GLB1L2: variants seen among roughly 807,000 people sequenced by gnomAD.
GLB1L2 encodes beta-galactosidase-1-like protein 2.
GLB1L2 carries 68 observed loss-of-function variants against 84.1 expected under a neutral mutation model. The observed-to-expected ratio is 0.81, with a 90% confidence interval of 0.67 to 0.99. The LOEUF (loss-of-function observed/expected upper bound fraction) is 0.99. Ranked by LOEUF, GLB1L2 falls within the 50% of genes least tolerant of loss-of-function variation. The pLI, the probability that GLB1L2 is intolerant of heterozygous loss-of-function variation, is 0.00. For missense variants in GLB1L2, 762 were observed against 805.6 expected, an observed-to-expected ratio of 0.95 and a Z score of 0.66; for synonymous variants, 290 against 318.0, an observed-to-expected ratio of 0.91 and a Z score of 0.94.
intron 1 of GLB1L2, among the ~76,000 whole-genome samples, chr11:134,335,469 TG>T (rs1943371115): frequency 6.6e-6 from 1 of 152,136 alleles, no homozygotes; most frequent in South Asian, 2.1e-4. Flanking sequence ...TTTCAGCAGG[TG>T]ATCACCTGTT....
intron 5 of GLB1L2, among the ~76,000 whole-genome samples, chr11:134,347,755 G>C (rs1373619926): frequency 6.6e-6 from 1 of 152,198 alleles, no homozygotes; most frequent in Non-Finnish European, 1.5e-5. Context: ...TGGTTCCACA[G>C]AGACAGGGAT....
chr11:134,375,078 C>T lies in GLB1L2; in HGVS notation c.*20C>T. On this transcript the variant is annotated 3_prime_UTR_variant, in exon 19 of 19. Transcript: ENST00000535456. ...AAGTGAGCGGTGGCACCCCCTCCTG[C>T]TGGTGCCAGTGGGAGACTGCCGCCT... 1 of 1,601,816 alleles carries T rather than the reference C, an allele frequency of 6.2e-7. No individual in the cohort carries two copies. Among genetic ancestry groups the T allele is most frequent in the Non-Finnish European group, 8.5e-7 (1 of 1,170,714 alleles).
At chr11:134,373,473 A>G (rs1482397775) in intron 15 of GLB1L2, among the ~76,000 whole-genome samples, 1 of 152,154 alleles carries the variant, frequency 6.6e-6, no homozygotes, top group Non-Finnish European at 1.5e-5. Context: ...TCAGCTCTAT[A>G]TCCTTCCCAT....
intron 1 of GLB1L2, among the ~76,000 whole-genome samples, chr11:134,342,260 A>G (rs534266772): frequency 1.3e-5 from 2 of 152,198 alleles, no homozygotes; most frequent in Non-Finnish European, 2.9e-5. Context: ...TCTTCAGAAA[A>G]TAATGAAGAC....
chr11:134,351,345 CTTTTT>C (rs367790049), intron 5 of GLB1L2, among the ~76,000 whole-genome samples: 1 of 129,132 alleles, frequency 7.7e-6, no homozygotes, highest in African/African-American at 2.9e-5. Flanking sequence ...CTTTTTCTTT[CTTTTT>C]TTTTTTTTTT....
intron 5 of GLB1L2, among the ~76,000 whole-genome samples, chr11:134,352,058 GA>G (rs1357821234): frequency 6.6e-6 from 1 of 152,156 alleles, no homozygotes; most frequent in Non-Finnish European, 1.5e-5. Context: ...ATTTACCAGT[GA>G]AGCCATCTGG....
intron 9 of GLB1L2, among the ~76,000 whole-genome samples, chr11:134,368,330 T>A (rs182191492): frequency 1.4e-3 from 220 of 152,286 alleles, no homozygotes; most frequent in Middle Eastern, 3.4e-3. Flanking sequence ...TCAGGCAGAC[T>A]CACATGGAGA....
At position 134,371,130 on chromosome 11, in the gene GLB1L2, C is replaced by T. The variant is rs138000454; in HGVS notation, c.1338C>T (p.His446=). 1.1e-4 allele frequency: 182 copies of T among 1,614,208 alleles called. No homozygotes were observed. The East Asian group carries it at 2.9e-3, about 26-fold the overall frequency. Residue 446 remains histidine (H), a synonymous_variant, in exon 13 of 19, where the codon CAC becomes CAT. Transcript: ENST00000535456. ...CCTCGTCTGGCATCCTCAGTGGCCA[C>T]GTGCATGATCGGGGGCAGGTAGGAG... ...SITSSGILSG[H]VHDRGQVFVN...
At position 134,373,667 on chromosome 11, in the gene GLB1L2, G is replaced by A. The variant is rs147547723; in HGVS notation, c.1508-54G>A. The A allele has an allele frequency of 1.2e-4, 146 of 1,229,042 alleles. No individual in the cohort carries two copies. In the African/African-American group the frequency reaches 2.0e-3, roughly 17 times the overall value. The allele number at this position is 1,229,042 out of a possible 1,614,324, so 76.1% of individuals were successfully genotyped here. A position where few individuals can be genotyped will look rare whatever the true frequency, so the allele number is the denominator to read the frequency against. On this transcript the variant is annotated intron_variant, in intron 15 of 18. Coordinates refer to ENST00000535456, the MANE Select transcript of GLB1L2 (RefSeq NM_001370461.1). ...GGCTTCCCCTCGTGGCCCCGGCCCA[G>A]CTGACTCGGCCCCTGCCTTTGGGCT...
In GLB1L2 at chr11:134,334,760, A is replaced by G. The variant is rs1382835504; in HGVS notation, c.86+2613A>G. On this transcript the variant is annotated intron_variant, in intron 1 of 18. Coordinates refer to ENST00000535456, the MANE Select transcript of GLB1L2 (RefSeq NM_001370461.1). This position sits in a 1 kb window ranked among gnomAD's most constrained non-coding sequence, Gnocchi z 4.1. ...TTTTATAGAATTGTAATCTTAAAGCATGTTTTCCTTTTTGGTCTGGCTTCT... is the reference window on the plus strand; with the variant it reads ...TTTTATAGAATTGTAATCTTAAAGCGTGTTTTCCTTTTTGGTCTGGCTTCT... 2.6e-5 allele frequency among the ~76,000 whole-genome samples: 4 copies of G among 152,122 alleles called. No homozygotes were observed. Among genetic ancestry groups the G allele is most frequent in the South Asian group, 2.1e-4 (1 of 4,822 alleles).
intron 7 of GLB1L2, chr11:134,360,315 T>C (rs1171956465): frequency 1.3e-5 from 2 of 152,156 alleles, no homozygotes; most frequent in African/African-American, 4.8e-5. Context: ...ACCCAGGGAG[T>C]GAAGGTCCAT....
intron 5 of GLB1L2, among the ~76,000 whole-genome samples, chr11:134,353,537 A>G (rs918052899): frequency 6.6e-6 from 1 of 152,164 alleles, no homozygotes; most frequent in Non-Finnish European, 1.5e-5. Flanking sequence ...TGTTGTGTAT[A>G]TATATGTTTG....
chr11:134,350,815 T>C (rs1313896699), intron 5 of GLB1L2, among the ~76,000 whole-genome samples: 1 of 152,274 alleles, frequency 6.6e-6, no homozygotes, highest in Non-Finnish European at 1.5e-5. Context: ...TTGTTTTTGA[T>C]GGTGTCGTAA....
Position 134,365,777 on chromosome 11 carries a change from A to G in GLB1L2, c.804+1379A>G, listed in dbSNP as rs760526242. On this transcript the variant is annotated intron_variant, in intron 8 of 18. Transcript: ENST00000535456. ...TTTCCTGAAGGAAGGGGACTTGGAC[A>G]CCTCCCTGTTTAAATCAAGGGCTCT... 7.2e-5 allele frequency among the ~76,000 whole-genome samples: 11 copies of G among 152,002 alleles called. 1 individual carries two copies. The highest frequency in any genetic ancestry group is 3.2e-3 in the Middle Eastern group (1 of 314).
intron 6 of GLB1L2, among the ~76,000 whole-genome samples, chr11:134,358,562 CAG>C (rs1943738049): frequency 6.6e-6 from 1 of 152,282 alleles, no homozygotes. Flanking sequence ...GGGCACGTGA[CAG>C]GGCATGGTGG....
intron 16 of GLB1L2, 82 bp from the exon 17 acceptor site, chr11:134,374,063 G>A: frequency 9.6e-7 from 1 of 1,039,936 alleles, no homozygotes; most frequent in Non-Finnish European, 1.5e-6. Context: ...GGGAAACGGT[G>A]TCAGGGCCTT....
intron 8 of GLB1L2, among the ~76,000 whole-genome samples, chr11:134,365,272 G>A (rs531561316): frequency 2.0e-5 from 3 of 152,356 alleles, no homozygotes; most frequent in South Asian, 2.1e-4. Context: ...TAGGCGAGGA[G>A]GCTCCCAGGA....
chr11:134,342,813 C>T lies in GLB1L2; in HGVS notation c.146C>T (p.Ala49Val), dbSNP rs1202161431. 11 of 1,613,928 alleles carry T rather than the reference C, an allele frequency of 6.8e-6. No homozygotes were observed. The highest frequency in any genetic ancestry group is 9.3e-6 in the Non-Finnish European group (11 of 1,180,028). ...RLRHRQLGLQ[A>V]KGWNFMLEDS... ...CGCCATCGACAGCTGGGGCTGCAGGCCAAGGGCTGGAACTTCATGCTGGAG... is the reference window on the plus strand; with the variant it reads ...CGCCATCGACAGCTGGGGCTGCAGGTCAAGGGCTGGAACTTCATGCTGGAG... The change falls in exon 2 of 19, where the codon GCC becomes GTC. Residue 49 changes from alanine to valine, a missense_variant. Transcript: ENST00000535456.
chr11:134,374,650 T>C lies in GLB1L2; in HGVS notation c.1756T>C (p.Tyr586His), dbSNP rs770158761. The C allele has an allele frequency of 1.2e-6, 2 of 1,613,978 alleles. No homozygotes were observed. Among genetic ancestry groups the C allele is most frequent in the East Asian group, 4.5e-5 (2 of 44,898 alleles). The part of the protein sequence containing the change: ...VFINGQNLGR[Y>H]WNIGPQKTLY... The stretch of plus-strand genomic sequence containing the variant: ...CATCAATGGCCAGAACCTTGGACGT[T>C]ACTGGAACATTGGACCCCAGAAGAC... Residue 586 changes from tyrosine to histidine, a missense_variant, in exon 18 of 19, where the codon TAC becomes CAC. This residue lies in a region of GLB1L2 where 603 missense variants were observed against 611.7 expected (regional missense o/e 0.99). Transcript: ENST00000535456.
Sources: allele counts gnomAD v4.1 joint callset (sites outside exome capture counted in the v4.1 genomes callset), GRCh38; gene constraint gnomAD v4.1.1; regional missense constraint gnomAD v4.1.1; non-coding constraint Gnocchi (gnomAD v3.1); transcripts MANE v1.5; gene names NCBI Gene and HGNC (gene_info 2026-07-23, HGNC 2026-07-21).